The following DEK variants were observed in gnomAD, a reference collection of about 807,000 sequenced individuals.
The protein encoded by DEK is DEK proto-oncogene, also known as protein DEK.
Under a neutral mutation model 46.8 loss-of-function variants are expected in DEK, and 28 were observed. The observed-to-expected ratio is 0.60, with a 90% CI of 0.44 to 0.82. The LOEUF (loss-of-function observed/expected upper bound fraction) is 0.82. Ranked by LOEUF, DEK falls within the 40% of genes least tolerant of loss-of-function variation. The probability of loss-of-function intolerance (pLI) is 0.00; values close to 1 mark genes in which losing one functional copy is unlikely to be tolerated. For synonymous variants in DEK, 160 were observed against 144.5 expected, an observed-to-expected ratio of 1.11 and a Z score of -0.77; for missense variants, 416 against 430.6, an observed-to-expected ratio of 0.97 and a Z score of 0.30.
Position 18,263,865 on chromosome 6 carries a change from CTCG to C in DEK, c.120_122del (p.Asp40del). The C allele has an allele frequency of 6.3e-7, 1 of 1,593,570 alleles. No individual in the cohort carries two copies. The highest frequency in any genetic ancestry group is 1.1e-5 in the South Asian group (1 of 88,728). ...CACCTTTTTCCTCCTCCTCCTCCTC[CTCG>C]TCGTCCTCGTCCTCTTCCTCCTCGC... On this transcript the variant is annotated inframe_deletion, in exon 2 of 11. Transcript: ENST00000652689.
At chr6:18,258,264 A>G in intron 3 of DEK, 40 bp downstream of exon 3, 3 of 1,531,104 alleles carry the variant, frequency 2.0e-6, no homozygotes, top group Non-Finnish European at 2.7e-6. Context: ...AAATTTAGGC[A>G]CTTTCACCAC....
At chr6:18,255,245 G>A (rs1053705291) in intron 6 of DEK, among the ~76,000 whole-genome samples, 3 of 152,200 alleles carry the variant, frequency 2.0e-5, no homozygotes, top group Admixed American at 6.5e-5. Context: ...GGGCTCTGCT[G>A]CAGATTCTGG....
chr6:18,232,864 G>T (rs1790469678), intron 9 of DEK, among the ~76,000 whole-genome samples: 1 of 152,030 alleles, frequency 6.6e-6, no homozygotes, highest in African/African-American at 2.4e-5. Context: ...AGTTCATATG[G>T]AATCAAAAAA....
chr6:18,238,846 C>T (rs1423743555), intron 7 of DEK, among the ~76,000 whole-genome samples: 3 of 152,202 alleles, frequency 2.0e-5, no homozygotes, highest in African/African-American at 7.2e-5. Context: ...CACACTAAAA[C>T]TACTGCGATC....
chr6:18,237,535 A>C lies in DEK; in HGVS notation c.763-19T>G. 6.3e-7 allele frequency: 1 copy of C among 1,595,516 alleles called. No individual in the cohort carries two copies. Among genetic ancestry groups the C allele is most frequent in the Non-Finnish European group, 8.5e-7 (1 of 1,174,766 alleles). ...TTGGTGGCTGTTACAAAAGAAAGTA[A>C]AAGTACACATATTGATGAGATTCAA... On this transcript the variant is annotated intron_variant, in intron 7 of 10. Coordinates refer to ENST00000652689, the MANE Select transcript of DEK (RefSeq NM_003472.4).
intron 9 of DEK, among the ~76,000 whole-genome samples, chr6:18,228,457 G>A (rs1427788508): frequency 1.3e-5 from 2 of 152,056 alleles, no homozygotes; most frequent in Non-Finnish European, 2.9e-5. Flanking sequence ...CGACGCAGAA[G>A]ACGGGTGATT....
chr6:18,247,695 C>T (rs767216204), intron 7 of DEK, among the ~76,000 whole-genome samples: 20 of 150,326 alleles, frequency 1.3e-4, no homozygotes, highest in Non-Finnish European at 2.2e-4. Context: ...TTTTTTGAGA[C>T]GGAGTTTCGC....
At chr6:18,244,505 T>C in intron 7 of DEK, 1 of 1,284,462 alleles carries the variant, frequency 7.8e-7, no homozygotes, top group Non-Finnish European at 1.0e-6. Flanking sequence ...AAGCAAGGCT[T>C]ACCTATGATT....
At chr6:18,238,540 T>TA (rs1790765130) in intron 7 of DEK, among the ~76,000 whole-genome samples, 1 of 151,704 alleles carries the variant, frequency 6.6e-6, no homozygotes, top group African/African-American at 2.4e-5. Context: ...CTCCTAAAAA[T>TA]ACAAAAATTA....
chr6:18,261,279 T>C (rs1484189457), intron 2 of DEK, among the ~76,000 whole-genome samples: 1 of 152,138 alleles, frequency 6.6e-6, no homozygotes, highest in Non-Finnish European at 1.5e-5. Flanking sequence ...CCTGCTAGGA[T>C]TCAGACTTGT....
At chr6:18,236,902 T>C (rs1790675529) in intron 8 of DEK, 1 of 212,600 alleles carries the variant, frequency 4.7e-6, no homozygotes, top group South Asian at 1.1e-4. Context: ...GGTAATTCCA[T>C]ACCCGACCTC....
At chr6:18,230,868 CAAGCGGACCTA>C (rs1790386122) in intron 9 of DEK, among the ~76,000 whole-genome samples, 1 of 152,190 alleles carries the variant, frequency 6.6e-6, no homozygotes, top group African/African-American at 2.4e-5. Context: ...AGCTCTGCAC[CAAGCGGACCTA>C]ACAGACATCT....
intron 6 of DEK, among the ~76,000 whole-genome samples, chr6:18,254,881 G>T (rs930198033): frequency 1.3e-5 from 2 of 152,150 alleles, no homozygotes; most frequent in Non-Finnish European, 2.9e-5. Flanking sequence ...TTTAACTGCT[G>T]TTTATCTGTC....
At chr6:18,244,946 T>TA (rs1337644384) in intron 7 of DEK, among the ~76,000 whole-genome samples, 6 of 152,212 alleles carry the variant, frequency 3.9e-5, no homozygotes, top group Non-Finnish European at 5.9e-5. Flanking sequence ...TCCAAATAGA[T>TA]AGTTTACCAA....
intron 9 of DEK, among the ~76,000 whole-genome samples, chr6:18,230,135 A>G (rs1035852474): frequency 2.6e-5 from 4 of 152,308 alleles, no homozygotes; most frequent in East Asian, 1.9e-4. Context: ...ACCAAGCTTC[A>G]TAAGTGAAGG....
chr6:18,247,503 T>C (rs570005153), intron 7 of DEK, among the ~76,000 whole-genome samples: 2 of 152,176 alleles, frequency 1.3e-5, no homozygotes, highest in Non-Finnish European at 2.9e-5. Context: ...ATTAGGGCAC[T>C]ACAGAAGGTA....
At chr6:18,238,683 C>CAAAA (rs201851628) in intron 7 of DEK, among the ~76,000 whole-genome samples, 1 of 91,826 alleles carries the variant, frequency 1.1e-5, no homozygotes. Flanking sequence ...GAGACTGTCT[C>CAAAA]AAAAAAAAAA....
intron 7 of DEK, chr6:18,244,408 T>C: frequency 1.9e-6 from 1 of 521,990 alleles, no homozygotes; most frequent in South Asian, 2.0e-5. Context: ...GTGAAGGGGA[T>C]TCTCCCTGTC....
intron 2 of DEK, among the ~76,000 whole-genome samples, chr6:18,259,077 T>C (rs1291013939): frequency 1.3e-5 from 2 of 152,014 alleles, no homozygotes; most frequent in Admixed American, 1.3e-4. Context: ...ATGCCTGTAA[T>C]CCCAGCACTT....
Sources: allele counts gnomAD v4.1 joint callset (sites outside exome capture counted in the v4.1 genomes callset), GRCh38; gene constraint gnomAD v4.1.1; transcripts MANE v1.5; gene names NCBI Gene and HGNC (gene_info 2026-07-23, HGNC 2026-07-21).